Variants in MTARC1 observed in about 807,000 individuals in gnomAD.
MTARC1 encodes mitochondrial amidoxime reducing component 1.
A neutral mutation model predicts 33.6 loss-of-function variants in MTARC1; 24 were observed. That is an observed-to-expected ratio of 0.72 (90% confidence interval 0.52 to 1.01). The LOEUF is 1.01. Among genes scored for constraint, MTARC1 ranks in the 50% least tolerant of loss-of-function variants. The pLI, the probability that MTARC1 is intolerant of heterozygous loss-of-function variation, is 0.00. For synonymous variants in MTARC1, 187 were observed against 189.5 expected, an observed-to-expected ratio of 0.99 and a Z score of 0.11; for missense variants, 417 against 445.7, an observed-to-expected ratio of 0.94 and a Z score of 0.58.
chr1:220,802,558 C>T (rs1002978301), intron 4 of MTARC1, among the ~76,000 whole-genome samples: 5 of 152,238 alleles, frequency 3.3e-5, no homozygotes, highest in Non-Finnish European at 7.3e-5. Flanking sequence ...TCTCGAACTC[C>T]TAACCTCAGG....
chr1:220,805,280 A>G lies in MTARC1; in HGVS notation c.887+6A>G. 6.2e-7 allele frequency: 1 copy of G among 1,612,602 alleles called. No homozygotes were observed. ...CCGCTGGAAACACTGAAGAGGTAGG[A>G]CTGGGCAGACGGGGCTCATCCTCGG... On this transcript the variant is annotated splice_donor_region_variant and intron_variant, in intron 6 of 6. Transcript: ENST00000366910.
chr1:220,791,762 A>T, intron 2 of MTARC1, 98 bp downstream of exon 2: 1 of 1,337,448 alleles, frequency 7.5e-7, no homozygotes, highest in Middle Eastern at 1.9e-4. Flanking sequence ...ACATATCAAT[A>T]ATGAACCGTT....
Position 220,797,723 on chromosome 1 carries a change from T to A in MTARC1, c.613-151T>A, listed in dbSNP as rs1672666835. On this transcript the variant is annotated intron_variant, in intron 3 of 6. Coordinates refer to ENST00000366910, the MANE Select transcript of MTARC1 (RefSeq NM_022746.4). ...AGGCTATTGAAAACTTCTGAGTCACTGTGACTTCTATTAAAAGAACAAGAG... is the reference window on the plus strand; with the variant it reads ...AGGCTATTGAAAACTTCTGAGTCACAGTGACTTCTATTAAAAGAACAAGAG... The A allele has an allele frequency of 9.8e-6, 7 of 717,104 alleles. No individual in the cohort carries two copies. In the East Asian group the frequency reaches 1.9e-4, roughly 19 times the overall value. The allele number at this position is 717,104 out of a possible 1,614,324, so 44.4% of individuals were successfully genotyped here.
At chr1:220,797,585 G>A (rs1292087011) in intron 3 of MTARC1, among the ~76,000 whole-genome samples, 1 of 152,174 alleles carries the variant, frequency 6.6e-6, no homozygotes, top group East Asian at 1.9e-4. Flanking sequence ...TTGAGAAATG[G>A]GAGGCTTAGA....
chr1:220,798,683 G>C, intron 4 of MTARC1: 2 of 769,866 alleles, frequency 2.6e-6, no homozygotes, highest in South Asian at 5.8e-5. Flanking sequence ...GGCATGGTGA[G>C]TGGCCACCAG....
intron 3 of MTARC1, 135 bp from the exon 4 acceptor site, chr1:220,797,739 A>C: frequency 2.4e-6 from 2 of 817,630 alleles, no homozygotes; most frequent in African/African-American, 3.4e-5. Context: ...TTCTATTAAA[A>C]GAACAAGAGA....
chr1:220,787,322 TTCC>T (rs1162480706), intron 1 of MTARC1, 103 bp downstream of exon 1: 3 of 1,358,668 alleles, frequency 2.2e-6, no homozygotes, highest in Non-Finnish European at 2.8e-6. Flanking sequence ...TAACAGGTCC[TTCC>T]TCCTATTACA....
intron 4 of MTARC1, 131 bp downstream of exon 4, chr1:220,798,145 T>A: frequency 6.2e-7 from 1 of 1,606,328 alleles, no homozygotes; most frequent in East Asian, 2.2e-5. Context: ...AACAATTTGA[T>A]TTTTAGATTT....
At chr1:220,796,032 A>G (rs1672605577) in intron 2 of MTARC1, among the ~76,000 whole-genome samples, 1 of 152,198 alleles carries the variant, frequency 6.6e-6, no homozygotes, top group African/African-American at 2.4e-5. Context: ...AGCCCTGCAC[A>G]GGACTATGTG....
intron 4 of MTARC1, among the ~76,000 whole-genome samples, chr1:220,803,752 A>T (rs1672885796): frequency 1.3e-5 from 2 of 152,086 alleles, no homozygotes; most frequent in Non-Finnish European, 2.9e-5. Context: ...TAATAACTTA[A>T]TTTCCTAAGT....
chr1:220,789,377 GA>G (rs1347383316), intron 1 of MTARC1, among the ~76,000 whole-genome samples: 1 of 152,122 alleles, frequency 6.6e-6, no homozygotes, highest in Non-Finnish European at 1.5e-5. Context: ...GGCCACATTG[GA>G]AGAAGAATTG....
In MTARC1 at chr1:220,791,907, A is replaced by G. The variant is rs185558296; in HGVS notation, c.449+243A>G. 1.4e-3 allele frequency among the ~76,000 whole-genome samples: 213 copies of G among 152,282 alleles called. 1 individual carries two copies. Among genetic ancestry groups the G allele is most frequent in the African/African-American group, 4.9e-3 (203 of 41,558 alleles). ...TGAAAGTGCTATGTAGAAACCCATG[A>G]GAACAAAAGCATATTGACATGTCAG... is the stretch of plus-strand genomic sequence containing the variant. On this transcript the variant is annotated intron_variant, in intron 2 of 6. Coordinates refer to ENST00000366910, the MANE Select transcript of MTARC1 (RefSeq NM_022746.4).
intron 6 of MTARC1, among the ~76,000 whole-genome samples, chr1:220,812,802 G>A (rs904121691): frequency 2.0e-4 from 31 of 151,624 alleles, no homozygotes; most frequent in African/African-American, 7.3e-4. Context: ...TCCGCTCACT[G>A]CAAGCTCCGC....
At chr1:220,808,578 G>A (rs1245401962) in intron 6 of MTARC1, among the ~76,000 whole-genome samples, 1 of 152,206 alleles carries the variant, frequency 6.6e-6, no homozygotes, top group Non-Finnish European at 1.5e-5. Flanking sequence ...AGGTTGCTCA[G>A]AGCTACACCA....
chr1:220,787,578 G>T (rs963255496), intron 1 of MTARC1, among the ~76,000 whole-genome samples: 2 of 152,164 alleles, frequency 1.3e-5, no homozygotes, highest in Admixed American at 6.5e-5. Flanking sequence ...AGCTTGAAGA[G>T]GTTGGTTCCC....
intron 1 of MTARC1, among the ~76,000 whole-genome samples, chr1:220,789,668 C>T (rs561254470): frequency 6.6e-6 from 1 of 152,172 alleles, no homozygotes; most frequent in South Asian, 2.1e-4. Flanking sequence ...AACTAAGTGT[C>T]CATTGATGGA....
chr1:220,796,909 C>T, intron 3 of MTARC1, 104 bp downstream of exon 3: 1 of 1,207,440 alleles, frequency 8.3e-7, no homozygotes, highest in Non-Finnish European at 1.1e-6. Context: ...TCTGGGGCAG[C>T]CCTCTGGTAG....
intron 6 of MTARC1, among the ~76,000 whole-genome samples, chr1:220,812,930 TAGTC>T (rs976855511): frequency 7.2e-5 from 11 of 152,048 alleles, no homozygotes; most frequent in African/African-American, 2.4e-4. Context: ...TTCACCGTGT[TAGTC>T]AGGATGGTCT....
At chr1:220,794,268 G>GT (rs1672531230) in intron 2 of MTARC1, 4 of 113,700 alleles carry the variant, frequency 3.5e-5, no homozygotes, top group Admixed American at 7.7e-5. Context: ...AAAGGAGGGT[G>GT]ATTTTTTTTT....
Sources: gnomAD v4.1 joint callset for allele counts (sites outside exome capture counted in the v4.1 genomes callset) on GRCh38, gnomAD v4.1.1 for gene constraint, MANE v1.5 for transcripts, NCBI Gene and HGNC (gene_info 2026-07-23, HGNC 2026-07-21) for gene names.